NALF1: variants seen among roughly 807,000 people sequenced by gnomAD.
NALF1 encodes the protein family with sequence similarity 155 member A.
A neutral mutation model predicts 48.4 loss-of-function variants in NALF1; 3 were observed. The observed-to-expected ratio is 0.06, with a 90% CI of 0.03 to 0.16. The LOEUF (loss-of-function observed/expected upper bound fraction) is 0.16, where lower values mean the gene tolerates loss of function less well. NALF1 is among the 10% of genes least tolerant of loss of function. NALF1 has a pLI of 1.00. For synonymous variants in NALF1, 262 were observed against 245.7 expected (o/e 1.07, Z -0.62); for missense variants, 526 against 571.5 (o/e 0.92, Z 0.81).
intron 1 of NALF1, among the ~76,000 whole-genome samples, chr13:107,327,346 T>A (rs550418545): frequency 6.6e-6 from 1 of 152,290 alleles, no homozygotes; most frequent in African/African-American, 2.4e-5. Flanking sequence ...TGTTGGGTGC[T>A]GCATTCTTCC....
At chr13:107,330,170 A>C (rs1482609533) in intron 1 of NALF1, among the ~76,000 whole-genome samples, 2 of 152,168 alleles carry the variant, frequency 1.3e-5, no homozygotes, top group East Asian at 3.9e-4. Context: ...TTAAAACCAC[A>C]GTCTGACTGG....
At chr13:107,765,345 AG>A (rs1877392511) in intron 1 of NALF1, among the ~76,000 whole-genome samples, 1 of 152,174 alleles carries the variant, frequency 6.6e-6, no homozygotes, top group African/African-American at 2.4e-5. Context: ...CCAGTCCAAC[AG>A]GGTTTCTAAT....
At chr13:107,659,386 T>G (rs921095508) in intron 1 of NALF1, among the ~76,000 whole-genome samples, 1 of 152,202 alleles carries the variant, frequency 6.6e-6, no homozygotes, top group African/African-American at 2.4e-5. Context: ...TCAAGTAGCA[T>G]GTCTTCCACA....
intron 1 of NALF1, among the ~76,000 whole-genome samples, chr13:107,325,527 A>G (rs1566485608): frequency 6.6e-6 from 1 of 152,094 alleles, no homozygotes; most frequent in African/African-American, 2.4e-5. Context: ...TTTATTATAC[A>G]GTCACTTATC....
chr13:107,342,092 G>A (rs1436294752), intron 1 of NALF1, among the ~76,000 whole-genome samples: 2 of 152,098 alleles, frequency 1.3e-5, no homozygotes, highest in African/African-American at 4.8e-5. Context: ...TATAGATTTT[G>A]CCATAATTGG....
intron 1 of NALF1, among the ~76,000 whole-genome samples, chr13:107,739,504 A>G (rs1876568614): frequency 6.6e-6 from 1 of 151,220 alleles, no homozygotes; most frequent in South Asian, 2.1e-4. Context: ...ACATTGAACA[A>G]ATTGTCTCAC....
intron 1 of NALF1, among the ~76,000 whole-genome samples, chr13:107,265,203 G>A (rs537242450): frequency 2.0e-4 from 31 of 152,110 alleles, no homozygotes; most frequent in Admixed American, 1.8e-3. Context: ...AATTGCCTAT[G>A]CATAACTTTT....
chr13:107,644,968 T>C (rs911582172), intron 1 of NALF1, among the ~76,000 whole-genome samples: 16 of 152,120 alleles, frequency 1.1e-4, no homozygotes, highest in African/African-American at 3.6e-4. Context: ...TGCTATTTTG[T>C]GTATTAAGAG....
chr13:107,303,886 G>A (rs1332845443), intron 1 of NALF1, among the ~76,000 whole-genome samples: 1 of 151,990 alleles, frequency 6.6e-6, no homozygotes, highest in East Asian at 1.9e-4. Context: ...TAGTAACTAT[G>A]TCTGAAAGTA....
chr13:107,657,579 A>G (rs7333816), intron 1 of NALF1, among the ~76,000 whole-genome samples: 52,364 of 151,640 alleles, frequency 0.35, 10,370 homozygotes, highest in African/African-American at 0.54. Context: ...ATTGAGTATG[A>G]CTTTAACGCT....
rs188510581 is a variant in NALF1, at chr13:107,439,702, T to C, written c.916-228947A>G. On this transcript the variant is annotated intron_variant, in intron 1 of 2. Transcript: ENST00000375915. ...CTTGTTAGGTAACTTTTCTTTCATG[T>C]AGATGGAGGTAAACCAGAGTCACTC... Among the ~76,000 whole-genome samples, 182 of 152,324 alleles carry C rather than the reference T, an allele frequency of 1.2e-3. 2 individuals carry two copies. Among genetic ancestry groups the C allele is most frequent in the African/African-American group, 4.1e-3 (170 of 41,578 alleles).
At chr13:107,464,811 C>T (rs1884974507) in intron 1 of NALF1, among the ~76,000 whole-genome samples, 1 of 152,160 alleles carries the variant, frequency 6.6e-6, no homozygotes, top group Non-Finnish European at 1.5e-5. Context: ...TGAGCCACCA[C>T]ACCCGGCGGC....
intron 1 of NALF1, among the ~76,000 whole-genome samples, chr13:107,255,449 A>G (rs1880794284): frequency 6.6e-6 from 1 of 152,176 alleles, no homozygotes; most frequent in African/African-American, 2.4e-5. Flanking sequence ...GTCCCAAATT[A>G]ACAGCCGGAC....
intron 1 of NALF1, among the ~76,000 whole-genome samples, chr13:107,499,409 A>G (rs1875442518): frequency 6.6e-6 from 1 of 152,172 alleles, no homozygotes; most frequent in African/African-American, 2.4e-5. Context: ...CCATTGCACA[A>G]TCATAGCTCA....
intron 1 of NALF1, among the ~76,000 whole-genome samples, chr13:107,213,217 T>C (rs536316910): frequency 3.0e-4 from 39 of 131,982 alleles, no homozygotes; most frequent in Non-Finnish European, 3.4e-4. Flanking sequence ...CCTTTGCAGA[T>C]TTTTTTTTAA....
chr13:107,396,371 G>A (rs1883712632), intron 1 of NALF1, among the ~76,000 whole-genome samples: 1 of 152,176 alleles, frequency 6.6e-6, no homozygotes, highest in Non-Finnish European at 1.5e-5. Flanking sequence ...GCCACATCCA[G>A]TTCTGTAGAA....
chr13:107,726,913 T>TTCTGTGTGTGTGTG lies in NALF1; in HGVS notation c.915+138768_915+138769insCACACACACACAGA, dbSNP rs765487919. Among the ~76,000 whole-genome samples the TTCTGTGTGTGTGTG allele has an allele frequency of 1.2e-3, 146 of 126,484 alleles. 3 individuals carry two copies. Among genetic ancestry groups the TTCTGTGTGTGTGTG allele is most frequent in the African/African-American group, 2.2e-3 (72 of 33,180 alleles). 83.0% of individuals were successfully genotyped at this position (126,484 alleles called of 152,430 possible). On this transcript the variant is annotated intron_variant, in intron 1 of 2. Coordinates refer to ENST00000375915, the MANE Select transcript of NALF1 (RefSeq NM_001080396.3). ...GACACCACGCCCGGCCGGCAAATTC[T>TTCTGTGTGTGTGTG]TGTGTGTGTGTGTGTGTGTGTGTGT...
intron 1 of NALF1, among the ~76,000 whole-genome samples, chr13:107,644,662 T>C (rs1177754777): frequency 2.0e-5 from 3 of 146,944 alleles, no homozygotes; most frequent in Admixed American, 6.9e-5. Context: ...TATATATATA[T>C]ATATGCTTTC....
intron 1 of NALF1, among the ~76,000 whole-genome samples, chr13:107,736,057 T>A: frequency 1.3e-5 from 2 of 152,224 alleles, no homozygotes; most frequent in Non-Finnish European, 2.9e-5. Flanking sequence ...GCTAAACCAA[T>A]AGACATGCGC....
Sources: gnomAD v4.1 joint callset for allele counts (sites outside exome capture counted in the v4.1 genomes callset) on GRCh38, gnomAD v4.1.1 for gene constraint, MANE v1.5 for transcripts, NCBI Gene and HGNC (gene_info 2026-07-23, HGNC 2026-07-21) for gene names.